The following PSMD1 variants were observed in gnomAD, a reference collection of about 807,000 sequenced individuals.
PSMD1 encodes the protein 26S proteasome non-ATPase regulatory subunit 1.
PSMD1 carries 18 observed loss-of-function variants against 119.0 expected under a neutral mutation model. That is an observed-to-expected ratio of 0.15 (90% CI 0.10 to 0.22). The LOEUF (loss-of-function observed/expected upper bound fraction) is 0.22. Among genes scored for constraint, PSMD1 ranks in the 10% least tolerant of loss-of-function variants. The pLI, the probability that PSMD1 is intolerant of heterozygous loss-of-function variation, is 1.00. For synonymous variants in PSMD1, 374 were observed against 396.6 expected, an observed-to-expected ratio of 0.94 and a Z score of 0.68; for missense variants, 702 against 1,158.5, an observed-to-expected ratio of 0.61 and a Z score of 5.72.
chr2:231,110,741 T>C (rs1310468613), intron 16 of PSMD1, among the ~76,000 whole-genome samples: 1 of 152,264 alleles, frequency 6.6e-6, no homozygotes, highest in African/African-American at 2.4e-5. Context: ...TTGAGGACCA[T>C]TGGCCCACAT....
At chr2:231,165,761 C>A in intron 22 of PSMD1, 110 bp from the exon 23 acceptor site, 2 of 933,282 alleles carry the variant, frequency 2.1e-6, no homozygotes, top group East Asian at 2.6e-5. Flanking sequence ...CCATTACTAC[C>A]GACCACTACC....
At chr2:231,082,643 T>G (rs1483016443) in intron 12 of PSMD1, among the ~76,000 whole-genome samples, 1 of 152,202 alleles carries the variant, frequency 6.6e-6, no homozygotes, top group East Asian at 1.9e-4. Flanking sequence ...AGGTGGAGTT[T>G]GCAGTGAGCC....
chr2:231,072,149 T>C (rs552567886), intron 6 of PSMD1, 40 bp from the exon 7 acceptor site: 7 of 1,528,326 alleles, frequency 4.6e-6, no homozygotes, highest in Non-Finnish European at 6.3e-6. Context: ...GTAGATGAAG[T>C]TTTTAATTAT....
intron 19 of PSMD1, among the ~76,000 whole-genome samples, chr2:231,158,612 C>T (rs1696563456): frequency 2.0e-5 from 3 of 152,312 alleles, no homozygotes; most frequent in Admixed American, 2.0e-4. Flanking sequence ...GATCAAATAG[C>T]ACGTTAGCTA....
At chr2:231,103,461 T>G (rs1296127393) in intron 16 of PSMD1, among the ~76,000 whole-genome samples, 5 of 152,218 alleles carry the variant, frequency 3.3e-5, no homozygotes, top group Admixed American at 1.3e-4. Context: ...CCAGTGTTCT[T>G]CGAGGCCTCT....
At chr2:231,057,104 A>C in intron 1 of PSMD1, 63 bp downstream of exon 1, 1 of 1,447,028 alleles carries the variant, frequency 6.9e-7, no homozygotes, top group Non-Finnish European at 9.0e-7. Context: ...CTTTTAGCTG[A>C]GTCAGGGCCG....
chr2:231,145,894 C>CAA (rs36124651), intron 17 of PSMD1, among the ~76,000 whole-genome samples: 1,307 of 46,494 alleles, frequency 0.028, 120 homozygotes, highest in African/African-American at 0.089. Flanking sequence ...AGCTACATCT[C>CAA]AAAAAAAAAA....
At chr2:231,133,086 A>G (rs1695888174) in intron 16 of PSMD1, among the ~76,000 whole-genome samples, 1 of 152,188 alleles carries the variant, frequency 6.6e-6, no homozygotes, top group African/African-American at 2.4e-5. Flanking sequence ...TCCAATAGGC[A>G]CTTAGAATTT....
chr2:231,077,351 ATGAT>A (rs1332007901), intron 9 of PSMD1, among the ~76,000 whole-genome samples, 189 bp downstream of exon 9: 4 of 152,164 alleles, frequency 2.6e-5, no homozygotes, highest in Admixed American at 2.6e-4. Context: ...AAAATGAGCA[ATGAT>A]TGAGCTCTTG....
At chr2:231,133,029 G>A (rs986783302) in intron 16 of PSMD1, among the ~76,000 whole-genome samples, 4 of 152,070 alleles carry the variant, frequency 2.6e-5, no homozygotes, top group Non-Finnish European at 5.9e-5. Context: ...TTTCTTTGTG[G>A]GTTTTTAAAT....
At chr2:231,164,130 G>GT (rs1696703169) in intron 21 of PSMD1, among the ~76,000 whole-genome samples, 1 of 152,024 alleles carries the variant, frequency 6.6e-6, no homozygotes, top group Non-Finnish European at 1.5e-5. Context: ...TGTTTTACCA[G>GT]TTTTTTCTTT....
Position 231,123,426 on chromosome 2 carries a change from C to T in PSMD1, c.1884-15310C>T, listed in dbSNP as rs369745180. 2.5e-6 allele frequency: 4 copies of T among 1,613,150 alleles called. No homozygotes were observed. The African/African-American group carries it at 4.0e-5, about 16-fold the overall frequency. Reference sequence around the variant, plus strand: ...TGAAATACTTACCAAACATTATTGTCAAGAGGGCAATTGGCATCACAAACA... The same window carrying T: ...TGAAATACTTACCAAACATTATTGTTAAGAGGGCAATTGGCATCACAAACA... On this transcript the variant is annotated intron_variant, in intron 16 of 24. Transcript: ENST00000308696.
chr2:231,067,769 A>G (rs1337935715), intron 5 of PSMD1, among the ~76,000 whole-genome samples: 2 of 151,920 alleles, frequency 1.3e-5, no homozygotes, highest in Non-Finnish European at 2.9e-5. Context: ...CAATCCTCCC[A>G]TCTCAGCTTC....
At chr2:231,171,908 A>C (rs1419361410) in intron 24 of PSMD1, among the ~76,000 whole-genome samples, 1 of 152,124 alleles carries the variant, frequency 6.6e-6, no homozygotes, top group African/African-American at 2.4e-5. Flanking sequence ...GTTATATTTA[A>C]AGGTCTGGTT....
At chr2:231,113,062 G>A (rs1026380792) in intron 16 of PSMD1, among the ~76,000 whole-genome samples, 3 of 152,130 alleles carry the variant, frequency 2.0e-5, no homozygotes, top group Non-Finnish European at 2.9e-5. Context: ...TACCTGGGAG[G>A]CTGAGGTGGG....
At chr2:231,100,211 T>TA (rs1370785731) in intron 16 of PSMD1, among the ~76,000 whole-genome samples, 1 of 152,106 alleles carries the variant, frequency 6.6e-6, no homozygotes, top group Non-Finnish European at 1.5e-5. Flanking sequence ...CACTCAAATA[T>TA]AAAATTTTTT....
chr2:231,061,450 G>A, intron 2 of PSMD1, 140 bp downstream of exon 2: 1 of 580,098 alleles, frequency 1.7e-6, no homozygotes, highest in Admixed American at 3.8e-5. Context: ...TAGCCAGAGA[G>A]GACAGTATTT....
chr2:231,091,275 A>C (rs1694582890), intron 16 of PSMD1, among the ~76,000 whole-genome samples: 1 of 152,250 alleles, frequency 6.6e-6, no homozygotes, highest in Admixed American at 6.5e-5. Context: ...AGACAAGAGT[A>C]AACAAGTTTA....
rs1052662926 is a variant in PSMD1 at position 231,122,640 on chromosome 2, A to G, written c.1884-16096A>G. ...TCCAAATTTTATAACTAGAGATGAT[A>G]TGCAGAAATCTGGAACTACTTATAT... On this transcript the variant is annotated intron_variant, in intron 16 of 24. Coordinates refer to ENST00000308696, the MANE Select transcript of PSMD1 (RefSeq NM_002807.4). 2.6e-5 allele frequency among the ~76,000 whole-genome samples: 4 copies of G among 152,156 alleles called. No homozygotes were observed. The East Asian group carries it at 7.7e-4, about 29-fold the overall frequency.
Sources: allele counts gnomAD v4.1 joint callset (sites outside exome capture counted in the v4.1 genomes callset), GRCh38; gene constraint gnomAD v4.1.1; transcripts MANE v1.5; gene names NCBI Gene and HGNC (gene_info 2026-07-23, HGNC 2026-07-21).